Variants in KMT2C observed in about 807,000 individuals in gnomAD.
KMT2C encodes the protein lysine methyltransferase 2C, also known as histone-lysine N-methyltransferase 2C.
A neutral mutation model predicts 507.9 loss-of-function variants in KMT2C; 88 were observed. The observed-to-expected ratio is 0.17, with a 90% CI of 0.15 to 0.21. KMT2C has a LOEUF of 0.21. KMT2C is among the 10% of genes least tolerant of loss of function. The pLI is 1.00. For missense variants in KMT2C, 4,954 were observed against 5,957.8 expected (o/e 0.83, Z 5.55); for synonymous variants, 2,049 against 2,080.8 (o/e 0.98, Z 0.42).
At chr7:152,303,057 G>A (rs1375060716) in intron 6 of KMT2C, among the ~76,000 whole-genome samples, 1 of 152,002 alleles carries the variant, frequency 6.6e-6, no homozygotes. Flanking sequence ...GTAGCACCCT[G>A]AGAGCTTCAA....
At chr7:152,246,335 G>A (rs1221835397) in intron 14 of KMT2C, among the ~76,000 whole-genome samples, 1 of 152,030 alleles carries the variant, frequency 6.6e-6, no homozygotes, top group Admixed American at 6.6e-5. Context: ...TAACAAGAGG[G>A]GCAGAAAAAT....
At chr7:152,430,402 G>A (rs529518925) in intron 1 of KMT2C, among the ~76,000 whole-genome samples, 5 of 151,286 alleles carry the variant, frequency 3.3e-5, no homozygotes, top group Admixed American at 3.3e-4. Context: ...AAACTCACAC[G>A]CTGACTGTAA....
Position 152,158,813 on chromosome 7 carries a change from C to T in KMT2C, c.11670+50G>A, listed in dbSNP as rs368932773. 5.8e-4 allele frequency: 909 copies of T among 1,562,446 alleles called. 5 individuals carry two copies. Among genetic ancestry groups the T allele is most frequent in the South Asian group, 1.9e-3 (175 of 89,966 alleles). On this transcript the variant is annotated intron_variant, in intron 44 of 58. Transcript: ENST00000262189. ...TACAGGCATGAGCCACTGCCCCCAG[C>T]CTATATCCTTGACTTTTAAAAGAGG...
intron 9 of KMT2C, among the ~76,000 whole-genome samples, chr7:152,258,212 G>A (rs6464215): frequency 0.11 from 16,331 of 152,200 alleles, 2,112 homozygotes; most frequent in African/African-American, 0.31. Context: ...AAGTGTTCAA[G>A]TAAGTGGTGA....
At chr7:152,290,355 C>T (rs112794064) in intron 6 of KMT2C, among the ~76,000 whole-genome samples, 35 of 126,024 alleles carry the variant, frequency 2.8e-4, no homozygotes, top group African/African-American at 8.9e-4. Flanking sequence ...CTGTCACCCA[C>T]GCTGGAGTGC....
At chr7:152,281,897 ATAAT>A (rs1370529503) in intron 6 of KMT2C, among the ~76,000 whole-genome samples, 14 of 152,364 alleles carry the variant, frequency 9.2e-5, no homozygotes, top group African/African-American at 3.1e-4. Context: ...CAAGGAGTTC[ATAAT>A]TAGTTATATA....
intron 6 of KMT2C, among the ~76,000 whole-genome samples, chr7:152,295,507 AC>A (rs2129188667): frequency 6.6e-6 from 1 of 152,360 alleles, no homozygotes; most frequent in East Asian, 1.9e-4. Context: ...ACTGAAACTT[AC>A]CCATCCTCCA....
chr7:152,257,628 C>A (rs1395360332), intron 9 of KMT2C, among the ~76,000 whole-genome samples: 1 of 152,112 alleles, frequency 6.6e-6, no homozygotes, highest in East Asian at 1.9e-4. Flanking sequence ...GAAGAACAGA[C>A]ATGCAAGAAT....
intron 18 of KMT2C, 115 bp from the exon 19 acceptor site, chr7:152,224,731 T>C: frequency 1.3e-6 from 1 of 770,756 alleles, no homozygotes; most frequent in Non-Finnish European, 2.1e-6. Context: ...GGCAATCAAC[T>C]AACATTTATT....
At chr7:152,183,676 C>T (rs1056604379) in intron 34 of KMT2C, among the ~76,000 whole-genome samples, 6 of 152,138 alleles carry the variant, frequency 3.9e-5, no homozygotes, top group African/African-American at 1.4e-4. Flanking sequence ...GCGGGTGGAT[C>T]ACCTGAGGTC....
At chr7:152,260,159 T>C (rs1308484950) in intron 9 of KMT2C, among the ~76,000 whole-genome samples, 1 of 152,198 alleles carries the variant, frequency 6.6e-6, no homozygotes, top group Non-Finnish European at 1.5e-5. Context: ...AAACTGCATT[T>C]TGACTCCACA....
At position 152,351,601 on chromosome 7, in the gene KMT2C, G is replaced by A. The variant is rs373765473; in HGVS notation, c.250+6986C>T. Among the ~76,000 whole-genome samples, 15 of 152,238 alleles carry A rather than the reference G, an allele frequency of 9.9e-5. No homozygotes were observed. The East Asian group carries it at 2.3e-3, about 24-fold the overall frequency. On this transcript the variant is annotated intron_variant, in intron 2 of 58. Transcript: ENST00000262189. ...GCATCCCTTTGTTGTGGGAAGTCAGGGACCCCAAACTGAGGGACCGGCTGA... is the reference window on the plus strand; with the variant it reads ...GCATCCCTTTGTTGTGGGAAGTCAGAGACCCCAAACTGAGGGACCGGCTGA...
chr7:152,154,766 T>C, intron 46 of KMT2C: 1 of 218,616 alleles, frequency 4.6e-6, no homozygotes, highest in Admixed American at 5.3e-5. Flanking sequence ...TCCCAGATCG[T>C]TGAGCCTAGG....
chr7:152,264,453 T>C (rs1401475865), intron 8 of KMT2C, among the ~76,000 whole-genome samples: 1 of 152,130 alleles, frequency 6.6e-6, no homozygotes, highest in Admixed American at 6.5e-5. Flanking sequence ...CCTTACAAAT[T>C]TGTAAATGCC....
chr7:152,314,568 G>GAGGGAAGGC (rs923674614), intron 4 of KMT2C, among the ~76,000 whole-genome samples: 3 of 147,472 alleles, frequency 2.0e-5, no homozygotes, highest in African/African-American at 7.4e-5. Context: ...CATCTTCTGG[G>GAGGGAAGGC]AGGGAAGGCA....
chr7:152,255,341 G>T (rs1435270257), intron 9 of KMT2C, among the ~76,000 whole-genome samples: 1 of 150,996 alleles, frequency 6.6e-6, no homozygotes, highest in African/African-American at 2.4e-5. Flanking sequence ...TAATTTTTTT[G>T]TATTTGTAGA....
rs76714660 is a variant in KMT2C, at chr7:152,171,169, T to G, written c.9453+95A>C. 2.2e-3 allele frequency: 1,649 copies of G among 747,502 alleles called. 19 individuals are homozygous for G. The African/African-American group carries it at 0.027, about 12-fold the overall frequency. The allele number at this position is 747,502 out of a possible 1,614,324, so 46.3% of individuals were successfully genotyped here. ...CGCATTTACTTCTGCACAAACCTAG[T>G]ACTACTCTCTAGCAGGGGACTTACT... On this transcript the variant is annotated intron_variant, in intron 40 of 58. Transcript: ENST00000262189.
intron 34 of KMT2C, among the ~76,000 whole-genome samples, chr7:152,184,509 C>T (rs374087683): frequency 6.6e-6 from 1 of 152,144 alleles, no homozygotes; most frequent in Non-Finnish European, 1.5e-5. Context: ...GATCATGTGT[C>T]AAAAACTCTT....
intron 25 of KMT2C, among the ~76,000 whole-genome samples, chr7:152,204,737 G>C (rs1352690011): frequency 6.6e-6 from 1 of 152,100 alleles, no homozygotes; most frequent in Non-Finnish European, 1.5e-5. Context: ...AAAGGCTTTG[G>C]AGATGACCAG....
Sources: allele counts gnomAD v4.1 joint callset (sites outside exome capture counted in the v4.1 genomes callset), GRCh38; gene constraint gnomAD v4.1.1; transcripts MANE v1.5; gene names NCBI Gene and HGNC (gene_info 2026-07-23, HGNC 2026-07-21).